ANKEF1: variants seen among roughly 807,000 people sequenced by gnomAD.
ANKEF1 encodes the protein ankyrin repeat and EF-hand domain-containing protein 1.
ANKEF1 carries 43 observed loss-of-function variants against 65.1 expected under a neutral mutation model. The ratio of observed to expected loss-of-function variants is 0.66; its 90% CI spans 0.52 to 0.85. The LOEUF is 0.85. Among genes scored for constraint, ANKEF1 ranks in the 40% least tolerant of loss-of-function variants. The pLI is 0.00. For synonymous variants in ANKEF1, 316 were observed against 341.5 expected (o/e 0.93, Z 0.82); for missense variants, 934 against 952.9 (o/e 0.98, Z 0.26).
Position 10,051,714 on chromosome 20 carries a change from A to C in ANKEF1, c.1695A>C (p.Ala565=), listed in dbSNP as rs149147110. The change falls in exon 8 of 11, where the codon GCA becomes GCC. Residue 565 remains alanine (A), a synonymous_variant. Coordinates refer to ENST00000378392, the MANE Select transcript of ANKEF1 (RefSeq NM_022096.6). The part of the protein sequence containing the change: ...DNFLWTPLHF[A]CHAGQQDIVE... Reference sequence around the variant, plus strand: ...TTCTGTGGACTCCACTTCATTTTGCATGCCATGCAGGCCAACAAGACATTG... The same window carrying C: ...TTCTGTGGACTCCACTTCATTTTGCCTGCCATGCAGGCCAACAAGACATTG... The C allele has an allele frequency of 6.2e-7, 1 of 1,613,804 alleles. No individual in the cohort carries two copies. Among genetic ancestry groups the C allele is most frequent in the Non-Finnish European group, 8.5e-7 (1 of 1,179,828 alleles).
chr20:10,046,143 C>T (rs6087116), intron 6 of ANKEF1, among the ~76,000 whole-genome samples: 26,455 of 151,956 alleles, frequency 0.17, 2,490 homozygotes, highest in East Asian at 0.26. Flanking sequence ...GGGGTGGTGA[C>T]GGCGCCTGTA....
In ANKEF1 at chr20:10,057,750, A is replaced by T. The variant is rs937515211; in HGVS notation, c.*2090A>T. ...GGCAAACTAAGGAAATTAACACTTAAGTGAACTATTTAATCTATAGACCTT... is the reference window on the plus strand; with the variant it reads ...GGCAAACTAAGGAAATTAACACTTATGTGAACTATTTAATCTATAGACCTT... On this transcript the variant is annotated 3_prime_UTR_variant, in exon 11 of 11. Coordinates refer to ENST00000378392, the MANE Select transcript of ANKEF1 (RefSeq NM_022096.6). 7 of 152,230 alleles carry T rather than the reference A, an allele frequency of 4.6e-5. No homozygotes were observed. Among genetic ancestry groups the T allele is most frequent in the African/African-American group, 7.2e-5 (3 of 41,462 alleles). 9.4% of individuals were successfully genotyped at this position (152,230 alleles called of 1,614,324 possible).
chr20:10,042,615 A>G (rs886841092), intron 3 of ANKEF1, among the ~76,000 whole-genome samples: 1 of 152,236 alleles, frequency 6.6e-6, no homozygotes, highest in Non-Finnish European at 1.5e-5. Flanking sequence ...TGGCAGAGGC[A>G]CTTGCCATCT....
intron 8 of ANKEF1, among the ~76,000 whole-genome samples, chr20:10,052,831 TATA>T (rs1464688711): frequency 6.6e-6 from 1 of 152,058 alleles, no homozygotes; most frequent in African/African-American, 2.4e-5. Flanking sequence ...TAAGATGTAA[TATA>T]ATATTTCCTA....
intron 7 of ANKEF1, among the ~76,000 whole-genome samples, chr20:10,050,781 T>C (rs1984814996): frequency 6.6e-6 from 1 of 152,082 alleles, no homozygotes; most frequent in South Asian, 2.1e-4. Flanking sequence ...TGGTGTGGAG[T>C]CACTTTTTAA....
At chr20:10,052,934 C>CTGGGATCTAAAATCATGGGATCTCTA (rs1984949340) in intron 8 of ANKEF1, among the ~76,000 whole-genome samples, 178 bp from the exon 9 acceptor site, 3 of 152,060 alleles carry the variant, frequency 2.0e-5, no homozygotes, top group African/African-American at 4.8e-5. Flanking sequence ...GATCTTAAAG[C>CTGGGATCTAAAATCATGGGATCTCTA]TGGGACCGCC....
chr20:10,038,227 T>C, intron 2 of ANKEF1, 31 bp from the exon 3 acceptor site: 5 of 934,208 alleles, frequency 5.4e-6, no homozygotes, highest in Non-Finnish European at 6.1e-6. Flanking sequence ...TAAAATTAAC[T>C]TTGAGTTATT....
At chr20:10,040,190 A>C (rs1415038265) in intron 3 of ANKEF1, among the ~76,000 whole-genome samples, 1 of 152,216 alleles carries the variant, frequency 6.6e-6, no homozygotes, top group East Asian at 1.9e-4. Context: ...ACTCTGCATA[A>C]CCCAAGGTAG....
chr20:10,037,074 G>A (rs1983899267), intron 2 of ANKEF1, among the ~76,000 whole-genome samples: 1 of 152,156 alleles, frequency 6.6e-6, no homozygotes, highest in South Asian at 2.1e-4. Context: ...AGAGAATGTA[G>A]GTGAGGGAGC....
chr20:10,047,333 A>T (rs1415485542), intron 6 of ANKEF1, among the ~76,000 whole-genome samples: 1 of 152,228 alleles, frequency 6.6e-6, no homozygotes, highest in African/African-American at 2.4e-5. Context: ...ATGTTCGGAA[A>T]TATAAACACG....
Position 10,038,523 on chromosome 20 carries a change from T to A in ANKEF1, c.222T>A (p.Pro74=), listed in dbSNP as rs775689262. ...VSFLLDLGAH[P]DVQDRMGCTP... is the part of the protein sequence containing the mutation. ...TTCTCCTTGACCTTGGTGCTCACCC[T>A]GATGTGCAAGACCGAATGGGCTGTA... is the stretch of plus-strand genomic sequence containing the variant. The change falls in exon 3 of 11, where the codon CCT becomes CCA. Residue 74 remains proline, a synonymous_variant. Coordinates refer to ENST00000378392, the MANE Select transcript of ANKEF1 (RefSeq NM_022096.6). 12 of 1,614,246 alleles carry A rather than the reference T, an allele frequency of 7.4e-6. No individual in the cohort carries two copies. In the South Asian group the frequency reaches 1.3e-4, roughly 18 times the overall value.
rs770018198 is a variant in ANKEF1, at chr20:10,049,584, T to C, written c.1015T>C (p.Phe339Leu). The change falls in exon 7 of 11, where the codon TTC becomes CTC. Residue 339 changes from phenylalanine to leucine, a missense_variant. Coordinates refer to ENST00000378392, the MANE Select transcript of ANKEF1 (RefSeq NM_022096.6). ...CGATTGGTCCGTAGAACGTGAGGCT[T>C]TCCTCCGGGAAGCCTTTGCGGTTTT... Reference protein sequence around the residue: ...LHDWSVEREAFLREAFAVLDR... With the variant: ...LHDWSVEREALLREAFAVLDR... 4 of 1,614,100 alleles carry C rather than the reference T, an allele frequency of 2.5e-6. No individual in the cohort carries two copies. The highest frequency in any genetic ancestry group is 2.5e-6 in the Non-Finnish European group (3 of 1,180,006).
intron 6 of ANKEF1, among the ~76,000 whole-genome samples, chr20:10,048,212 T>C (rs561225260): frequency 7.0e-6 from 1 of 142,660 alleles, no homozygotes; most frequent in African/African-American, 2.7e-5. Flanking sequence ...TCAGCCTTAG[T>C]ATAAAAATGT....
chr20:10,036,067 G>A (rs1983830668), intron 2 of ANKEF1, among the ~76,000 whole-genome samples: 1 of 152,208 alleles, frequency 6.6e-6, no homozygotes, highest in African/African-American at 2.4e-5. Context: ...GTGATTTCCT[G>A]CAGTGGGGTG....
At chr20:10,050,837 G>A (rs867426095) in intron 7 of ANKEF1, among the ~76,000 whole-genome samples, 1 of 152,174 alleles carries the variant, frequency 6.6e-6, no homozygotes, top group African/African-American at 2.4e-5. Flanking sequence ...AAGTGGAATG[G>A]TGGCTATAAT....
At chr20:10,050,694 G>A (rs668091) in intron 7 of ANKEF1, among the ~76,000 whole-genome samples, 89,816 of 151,992 alleles carry the variant, frequency 0.59, 26,787 homozygotes, top group African/African-American at 0.63. Flanking sequence ...TACTCAGGGT[G>A]AATAGAGTCT....
intron 2 of ANKEF1, among the ~76,000 whole-genome samples, chr20:10,037,557 C>T (rs918181753): frequency 6.6e-6 from 1 of 152,158 alleles, no homozygotes; most frequent in Admixed American, 6.5e-5. Flanking sequence ...CCAAACGACC[C>T]GGATAGGATT....
Position 10,038,632 on chromosome 20 carries a change from G to T in ANKEF1, c.331G>T (p.Asp111Tyr). The stretch of plus-strand genomic sequence containing the variant: ...GGCAAAGGCTGATATGACTATAGTT[G>T]ATAATGAAGGAAAAGGTAAAAATCC... Reference protein sequence around the residue: ...AKAKADMTIVDNEGKGVLFYC... With the variant: ...AKAKADMTIVYNEGKGVLFYC... The change falls in exon 3 of 11, where the codon GAT (aspartate) becomes TAT (tyrosine). Residue 111 changes from aspartate to tyrosine, a missense_variant. Physicochemically the swap from Asp to Tyr is radical, Grantham distance 160 (BLOSUM62 -3). Transcript: ENST00000378392. The T allele has an allele frequency of 6.3e-7, 1 of 1,589,362 alleles. No individual in the cohort carries two copies. The highest frequency in any genetic ancestry group is 1.1e-5 in the South Asian group (1 of 88,614).
At position 10,049,383 on chromosome 20, in the gene ANKEF1, G is replaced by A. The variant is rs184151014; in HGVS notation, c.821-7G>A. On this transcript the variant is annotated splice_polypyrimidine_tract_variant and splice_region_variant and intron_variant, in intron 6 of 10. Coordinates refer to ENST00000378392, the MANE Select transcript of ANKEF1 (RefSeq NM_022096.6). The stretch of plus-strand genomic sequence containing the variant: ...CCATTCATAATTAATGATGCTTTAT[G>A]TTTTAGGATGTGACCTGAAATGGAA... 380 of 1,603,480 alleles carry A rather than the reference G, an allele frequency of 2.4e-4. 2 individuals are homozygous for A. Among genetic ancestry groups the A allele is most frequent in the Admixed American group, 3.4e-4 (20 of 58,082 alleles).
Sources: allele counts gnomAD v4.1 joint callset (sites outside exome capture counted in the v4.1 genomes callset), GRCh38; gene constraint gnomAD v4.1.1; transcripts MANE v1.5; gene names NCBI Gene and HGNC (gene_info 2026-07-23, HGNC 2026-07-21).